Variants in GRM7 observed in about 807,000 individuals in gnomAD.
GRM7 encodes metabotropic glutamate receptor 7.
In GRM7, 35 loss-of-function variants were observed where a neutral mutation model predicts 84.5. The ratio of observed to expected loss-of-function variants is 0.41; its 90% CI spans 0.32 to 0.55. GRM7 has a LOEUF of 0.55. Among genes scored for constraint, GRM7 ranks in the 20% least tolerant of loss-of-function variants. GRM7 has a pLI of 0.19. For synonymous variants in GRM7, 487 were observed against 455.1 expected (o/e 1.07, Z -0.89); for missense variants, 1,003 against 1,194.6 (o/e 0.84, Z 2.36).
At chr3:6,878,631 C>T (rs374943082) in intron 1 of GRM7, among the ~76,000 whole-genome samples, 21 of 152,258 alleles carry the variant, frequency 1.4e-4, no homozygotes, top group African/African-American at 5.1e-4. Context: ...ACATCACGCA[C>T]TAATAAAATA....
intron 7 of GRM7, among the ~76,000 whole-genome samples, chr3:7,550,908 A>C (rs1392403256): frequency 1.3e-5 from 2 of 152,134 alleles, no homozygotes; most frequent in Non-Finnish European, 2.9e-5. Flanking sequence ...ACTCAATAAA[A>C]TGTGGAAGCA....
intron 1 of GRM7, among the ~76,000 whole-genome samples, chr3:7,030,649 T>A (rs187797810): frequency 6.6e-6 from 1 of 152,272 alleles, no homozygotes; most frequent in East Asian, 1.9e-4. Context: ...ATCAAATGGA[T>A]CCTGGAAATC....
At chr3:7,441,987 A>T (rs1158788869) in intron 5 of GRM7, among the ~76,000 whole-genome samples, 1 of 151,806 alleles carries the variant, frequency 6.6e-6, no homozygotes, top group African/African-American at 2.4e-5. Flanking sequence ...TATGACTTTT[A>T]GAATAGCTTT....
chr3:7,359,508 T>C (rs565694921), intron 4 of GRM7, among the ~76,000 whole-genome samples: 1 of 147,014 alleles, frequency 6.8e-6, no homozygotes, highest in African/African-American at 2.6e-5. Context: ...GTAAATTTTG[T>C]ATTTTTAGTA....
At chr3:7,336,699 A>G (rs1207276515) in intron 4 of GRM7, among the ~76,000 whole-genome samples, 2 of 152,102 alleles carry the variant, frequency 1.3e-5, no homozygotes, top group Admixed American at 1.3e-4. Context: ...GTAAAGTTTC[A>G]GGATACAAAA....
At chr3:7,323,567 G>A (rs1700867866) in intron 4 of GRM7, among the ~76,000 whole-genome samples, 1 of 152,140 alleles carries the variant, frequency 6.6e-6, no homozygotes, top group African/African-American at 2.4e-5. Context: ...TGGCCACAAT[G>A]TTAAAATATA....
At chr3:7,091,596 C>A (rs1029198602) in intron 1 of GRM7, among the ~76,000 whole-genome samples, 2 of 151,562 alleles carry the variant, frequency 1.3e-5, no homozygotes, top group Non-Finnish European at 1.5e-5. Flanking sequence ...CTCATTAAAT[C>A]ATTTATGTGC....
At chr3:7,482,754 G>A (rs569053862) in intron 7 of GRM7, among the ~76,000 whole-genome samples, 217 of 152,292 alleles carry the variant, frequency 1.4e-3, no homozygotes, top group Middle Eastern at 6.8e-3. Flanking sequence ...AAAAGTGGGA[G>A]AATGAGCTGC....
intron 2 of GRM7, among the ~76,000 whole-genome samples, chr3:7,284,285 C>CGTGT (rs138776968): frequency 0.43 from 55,955 of 130,814 alleles, 10,625 homozygotes; most frequent in East Asian, 0.49. Context: ...CATGCTCACT[C>CGTGT]GTGTGTGTGT....
intron 1 of GRM7, among the ~76,000 whole-genome samples, chr3:7,007,224 G>A (rs888316086): frequency 6.6e-5 from 10 of 152,032 alleles, no homozygotes; most frequent in Non-Finnish European, 1.3e-4. Context: ...AGCAAGTTCC[G>A]TTGGCCCTTC....
intron 2 of GRM7, among the ~76,000 whole-genome samples, chr3:7,167,973 C>CAAAAAAAA (rs60681836): frequency 7.3e-5 from 4 of 54,610 alleles, no homozygotes; most frequent in African/African-American, 1.3e-4. Flanking sequence ...GACTCTGTCT[C>CAAAAAAAA]AAAAAAAAAA....
At chr3:7,094,097 A>G (rs1420793950) in intron 1 of GRM7, among the ~76,000 whole-genome samples, 1 of 152,176 alleles carries the variant, frequency 6.6e-6, no homozygotes, top group Non-Finnish European at 1.5e-5. Context: ...AATACAGCAG[A>G]GAATAATGTA....
intron 8 of GRM7, among the ~76,000 whole-genome samples, chr3:7,660,493 T>G (rs953278170): frequency 2.0e-5 from 3 of 152,188 alleles, no homozygotes; most frequent in African/African-American, 7.2e-5. Flanking sequence ...ATTTGTGAAA[T>G]AAATTAAAGT....
chr3:7,503,646 A>C (rs1031189068), intron 7 of GRM7, among the ~76,000 whole-genome samples: 20 of 152,092 alleles, frequency 1.3e-4, no homozygotes, highest in Admixed American at 1.3e-3. Flanking sequence ...GTGGTGTATG[A>C]TAGATGATTA....
chr3:7,112,300 C>T (rs578037856), intron 1 of GRM7, among the ~76,000 whole-genome samples: 59 of 151,760 alleles, frequency 3.9e-4, no homozygotes, highest in Non-Finnish European at 7.1e-4. Context: ...TCTCAGCTCA[C>T]TACAACCTCT....
At chr3:7,563,832 C>T (rs1196624515) in intron 7 of GRM7, among the ~76,000 whole-genome samples, 1 of 152,174 alleles carries the variant, frequency 6.6e-6, no homozygotes, top group Non-Finnish European at 1.5e-5. Context: ...AGAAGGTACT[C>T]TGTCAACTTC....
At chr3:7,329,356 C>T (rs1206232892) in intron 4 of GRM7, among the ~76,000 whole-genome samples, 2 of 152,186 alleles carry the variant, frequency 1.3e-5, no homozygotes, top group African/African-American at 4.8e-5. Flanking sequence ...GTTCACCCTT[C>T]CACCCACTTG....
intron 4 of GRM7, among the ~76,000 whole-genome samples, chr3:7,373,119 A>G (rs1694208320): frequency 6.6e-6 from 1 of 152,178 alleles, no homozygotes; most frequent in Admixed American, 6.5e-5. Flanking sequence ...GTATGAAGTT[A>G]CACAGTTCAA....
At chr3:7,047,617 G>A (rs558891436) in intron 1 of GRM7, among the ~76,000 whole-genome samples, 3 of 152,154 alleles carry the variant, frequency 2.0e-5, no homozygotes, top group African/African-American at 7.2e-5. Flanking sequence ...GGTCCCTATT[G>A]TCTAGTATTT....
Sources: gnomAD v4.1 joint callset for allele counts (sites outside exome capture counted in the v4.1 genomes callset) on GRCh38, gnomAD v4.1.1 for gene constraint, MANE v1.5 for transcripts, NCBI Gene and HGNC (gene_info 2026-07-23, HGNC 2026-07-21) for gene names.